Variants in APMAP observed in about 807,000 individuals in gnomAD.
APMAP encodes adipocyte plasma membrane-associated protein.
In APMAP, 33 loss-of-function variants were observed where a neutral mutation model predicts 43.6. The ratio of observed to expected loss-of-function variants is 0.76; its 90% CI spans 0.57 to 1.01. The LOEUF (loss-of-function observed/expected upper bound fraction) is 1.01, where lower values mean the gene tolerates loss of function less well. Among genes scored for constraint, APMAP ranks in the 50% least tolerant of loss-of-function variants. The probability of loss-of-function intolerance (pLI) is 0.00; values close to 1 mark genes in which losing one functional copy is unlikely to be tolerated. For missense variants in APMAP, 498 were observed against 540.7 expected (o/e 0.92, Z 0.78); for synonymous variants, 224 against 216.7 (o/e 1.03, Z -0.30).
In APMAP at chr20:24,973,486, G is replaced by A. The variant is rs550283705; in HGVS notation, c.421+159C>T. Among the ~76,000 whole-genome samples the A allele has an allele frequency of 2.9e-3, 446 of 152,250 alleles. 3 individuals carry two copies. Among genetic ancestry groups the A allele is most frequent in the African/African-American group, 0.01 (432 of 41,554 alleles). The stretch of plus-strand genomic sequence containing the variant: ...CACCGTGAGGCCCAAGGACCACCCG[G>A]CAAATGAAGAGCTCGTAGTGACGTC... On this transcript the variant is annotated intron_variant, in intron 4 of 8. Coordinates refer to ENST00000217456, the MANE Select transcript of APMAP (RefSeq NM_020531.3).
chr20:24,964,166 A>G, intron 8 of APMAP, 144 bp from the exon 9 acceptor site: 1 of 875,778 alleles, frequency 1.1e-6, no homozygotes, highest in South Asian at 1.6e-5. Context: ...CCCACAGGAC[A>G]GCTAATCCAG....
At chr20:24,991,749 A>C (rs2088194254) in intron 1 of APMAP, among the ~76,000 whole-genome samples, 1 of 152,240 alleles carries the variant, frequency 6.6e-6, no homozygotes, top group Admixed American at 6.5e-5. Context: ...CTGAAACTTA[A>C]AAGTTATGAA....
chr20:24,971,614 C>G, intron 4 of APMAP, 38 bp from the exon 5 acceptor site: 1 of 1,525,356 alleles, frequency 6.6e-7, no homozygotes, highest in South Asian at 1.1e-5. Flanking sequence ...TAGCTGGTCC[C>G]GGATTCTACA....
At chr20:24,985,289 CT>C (rs1439237373) in intron 1 of APMAP, among the ~76,000 whole-genome samples, 1 of 152,186 alleles carries the variant, frequency 6.6e-6, no homozygotes, top group Non-Finnish European at 1.5e-5. Context: ...AAAGAAATCC[CT>C]CTATTTCTAC....
Position 24,963,082 on chromosome 20 carries a change from G to A in APMAP, c.*731C>T, listed in dbSNP as rs1426547138. The stretch of plus-strand genomic sequence containing the variant: ...ACTGTTCACATCTTGGGGTCTAGAG[G>A]TCAAGAACAAAGATCACAGACAAGA... On this transcript the variant is annotated 3_prime_UTR_variant, in exon 9 of 9. Coordinates refer to ENST00000217456, the MANE Select transcript of APMAP (RefSeq NM_020531.3). 6.6e-6 allele frequency: 1 copy of A among 152,256 alleles called. No individual in the cohort carries two copies. The highest frequency in any genetic ancestry group is 2.4e-5 in the African/African-American group (1 of 41,414). The allele number at this position is 152,256 out of a possible 1,614,324, so 9.4% of individuals were successfully genotyped here.
Position 24,978,794 on chromosome 20 carries a change from C to A in APMAP, c.301G>T (p.Gly101Ter). The change falls in exon 3 of 9, where the codon GGA becomes TGA. Residue 101 changes from glycine (G) to a stop codon, truncating the protein, a stop_gained. Coordinates refer to ENST00000217456, the MANE Select transcript of APMAP (RefSeq NM_020531.3). LOFTEE classifies it high-confidence loss of function. The part of the protein sequence containing the change: ...AERLFENQLV[G>*]PESIAHIGDV... ...CCAATATGTGCTATGGACTCCGGTC[C>A]AACAAGTTGATTTTCAAACAGCCTT... The A allele has an allele frequency of 1.9e-6, 3 of 1,599,822 alleles. No individual in the cohort carries two copies. The highest frequency in any genetic ancestry group is 2.6e-6 in the Non-Finnish European group (3 of 1,170,010).
chr20:24,992,715 A>G lies in APMAP; in HGVS notation c.-27T>C. 4 of 1,487,062 alleles carry G rather than the reference A, an allele frequency of 2.7e-6. No homozygotes were observed. Among genetic ancestry groups the G allele is most frequent in the Non-Finnish European group, 3.6e-6 (4 of 1,114,532 alleles). The allele number at this position is 1,487,062 out of a possible 1,614,324, so 92.1% of individuals were successfully genotyped here. A position where few individuals can be genotyped will look rare whatever the true frequency, so the allele number is the denominator to read the frequency against. ...GTACGGGCGCCAGCCTCACCCGCAG[A>G]AACCACCTCACACTGAGCGGCGCCG... On this transcript the variant is annotated 5_prime_UTR_variant, in exon 1 of 9. Coordinates refer to ENST00000217456, the MANE Select transcript of APMAP (RefSeq NM_020531.3).
Position 24,963,742 on chromosome 20 carries a change from T to A in APMAP, c.*71A>T. ...GAACCACGACTGTGTCCACAGCTCCTCCTGGACCAGGCCTGGTGCCTGAGT... is the reference window on the plus strand; with the variant it reads ...GAACCACGACTGTGTCCACAGCTCCACCTGGACCAGGCCTGGTGCCTGAGT... On this transcript the variant is annotated 3_prime_UTR_variant, in exon 9 of 9. Coordinates refer to ENST00000217456, the MANE Select transcript of APMAP (RefSeq NM_020531.3). The A allele has an allele frequency of 6.7e-7, 1 of 1,491,940 alleles. No homozygotes were observed. The highest frequency in any genetic ancestry group is 2.3e-5 in the East Asian group (1 of 44,032). 92.4% of individuals were successfully genotyped at this position (1,491,940 alleles called of 1,614,324 possible).
intron 2 of APMAP, among the ~76,000 whole-genome samples, chr20:24,983,495 G>A (rs1032911314): frequency 6.6e-6 from 1 of 152,080 alleles, no homozygotes; most frequent in Non-Finnish European, 1.5e-5. Flanking sequence ...GATCTCTATC[G>A]GTGAAAGGTA....
chr20:24,969,434 T>C, intron 7 of APMAP, 92 bp downstream of exon 7: 1 of 1,505,354 alleles, frequency 6.6e-7, no homozygotes, highest in Non-Finnish European at 8.9e-7. Flanking sequence ...CTGCTGCCTC[T>C]GATTTCTGTC....
chr20:24,978,391 T>C (rs1001224644), intron 3 of APMAP, among the ~76,000 whole-genome samples: 3 of 152,230 alleles, frequency 2.0e-5, no homozygotes, highest in African/African-American at 4.8e-5. Flanking sequence ...GTGAAATCTA[T>C]ACAAAGCAAA....
Position 24,968,966 on chromosome 20 carries a change from T to C in APMAP, c.967A>G (p.Ile323Val), listed in dbSNP as rs761565062. 2.5e-6 allele frequency: 4 copies of C among 1,614,036 alleles called. No homozygotes were observed. The highest frequency in any genetic ancestry group is 3.4e-6 in the Non-Finnish European group (4 of 1,179,994). ...SGGYWVGMST[I>V]RPNPGFSMLD... is the part of the protein sequence containing the mutation. Reference sequence around the variant, plus strand: ...ATGGAAAACCCAGGGTTAGGGCGGATGGTCGACATGCCCACCCAGTACCCC... The same window carrying C: ...ATGGAAAACCCAGGGTTAGGGCGGACGGTCGACATGCCCACCCAGTACCCC... The change falls in exon 8 of 9, where the codon ATC becomes GTC. Residue 323 changes from isoleucine (I) to valine (V), a missense_variant. Physicochemically the swap from Ile to Val is conservative, Grantham distance 29 (BLOSUM62 3). Transcript: ENST00000217456.
intron 7 of APMAP, among the ~76,000 whole-genome samples, chr20:24,969,312 G>A (rs1019849445): frequency 1.3e-5 from 2 of 152,156 alleles, no homozygotes; most frequent in Non-Finnish European, 2.9e-5. Flanking sequence ...GCAGGGGAAT[G>A]GGGCCCGGGC....
At chr20:24,980,769 G>A (rs1485367658) in intron 2 of APMAP, among the ~76,000 whole-genome samples, 4 of 150,782 alleles carry the variant, frequency 2.7e-5, no homozygotes, top group African/African-American at 4.9e-5. Context: ...AGCTTCGCTC[G>A]GCCTCGGTCA....
intron 2 of APMAP, among the ~76,000 whole-genome samples, chr20:24,980,889 C>T (rs147558614): frequency 1.2e-3 from 176 of 151,946 alleles, no homozygotes; most frequent in African/African-American, 3.5e-3. Context: ...CGCCAGGCAG[C>T]GCAGGGCCAC....
At chr20:24,971,113 G>A (rs1367776383) in intron 5 of APMAP, among the ~76,000 whole-genome samples, 1 of 152,286 alleles carries the variant, frequency 6.6e-6, no homozygotes, top group South Asian at 2.1e-4. Context: ...GGGCCACAGA[G>A]AAGAAAGAGA....
At chr20:24,970,101 A>G in intron 6 of APMAP, 96 bp downstream of exon 6, 1 of 1,440,078 alleles carries the variant, frequency 6.9e-7, no homozygotes, top group South Asian at 1.3e-5. Context: ...ATGATGCTGG[A>G]AATACTCCCT....
chr20:24,969,007 CG>C lies in APMAP; in HGVS notation c.925del (p.Arg309GlyfsTer36), dbSNP rs746898432. The C allele has an allele frequency of 7.4e-6, 12 of 1,613,804 alleles. No homozygotes were observed. Among genetic ancestry groups the C allele is most frequent in the Non-Finnish European group, 9.3e-6 (11 of 1,179,960 alleles). On this transcript the variant is annotated frameshift_variant, in exon 8 of 9. Coordinates refer to ENST00000217456, the MANE Select transcript of APMAP (RefSeq NM_020531.3). LOFTEE classifies it high-confidence loss of function. ...ENMPGFPDNI[R>X]PSSSGGYWVG... ...CCAGTACCCCCCAGAGCTGCTGGGC[CG>C]GATGTTGTCTGGAAATCCAGGCATG...
chr20:24,967,257 T>C (rs2087953016), intron 8 of APMAP, among the ~76,000 whole-genome samples: 1 of 152,210 alleles, frequency 6.6e-6, no homozygotes, highest in Non-Finnish European at 1.5e-5. Context: ...ATCACGCCAC[T>C]GCACTCCATC....
Sources: allele counts gnomAD v4.1 joint callset (sites outside exome capture counted in the v4.1 genomes callset), GRCh38; gene constraint gnomAD v4.1.1; transcripts MANE v1.5; gene names NCBI Gene and HGNC (gene_info 2026-07-23, HGNC 2026-07-21).